The following MEGF6 variants were observed in gnomAD, a reference collection of about 807,000 sequenced individuals.
MEGF6 encodes multiple EGF like domains 6.
A neutral mutation model predicts 207.1 loss-of-function variants in MEGF6; 184 were observed. The ratio of observed to expected loss-of-function variants is 0.89; its 90% confidence interval spans 0.79 to 1.00. The LOEUF is 1.00. Among genes scored for constraint, MEGF6 ranks in the 50% least tolerant of loss-of-function variants. The probability of loss-of-function intolerance (pLI) is 0.00; values close to 1 mark genes in which losing one functional copy is unlikely to be tolerated. For missense variants in MEGF6, 2,282 were observed against 2,202.9 expected, an observed-to-expected ratio of 1.04 and a Z score of -0.72; for synonymous variants, 1,038 against 910.0, an observed-to-expected ratio of 1.14 and a Z score of -2.53.
chr1:3,523,163 C>T (rs1180216547), intron 5 of MEGF6, among the ~76,000 whole-genome samples: 3 of 152,084 alleles, frequency 2.0e-5, no homozygotes, highest in Non-Finnish European at 2.9e-5. Context: ...TTGGGCCCTG[C>T]TCCGGGCCTC....
chr1:3,599,981 AG>A (rs1644133139), intron 2 of MEGF6, among the ~76,000 whole-genome samples: 1 of 152,142 alleles, frequency 6.6e-6, no homozygotes, highest in African/African-American at 2.4e-5. Flanking sequence ...CCAGGCTGGT[AG>A]GGGTGGAACC....
chr1:3,609,079 C>G (rs957639934), intron 1 of MEGF6, among the ~76,000 whole-genome samples: 1 of 152,170 alleles, frequency 6.6e-6, no homozygotes, highest in African/African-American at 2.4e-5. Context: ...CTGCCCCGTG[C>G]CAAGCCCTGC....
chr1:3,601,222 G>A (rs1430604962), intron 2 of MEGF6, among the ~76,000 whole-genome samples: 1 of 152,222 alleles, frequency 6.6e-6, no homozygotes, highest in Non-Finnish European at 1.5e-5. Flanking sequence ...CTCCAGCCCT[G>A]GGCTCAGATG....
At position 3,498,366 on chromosome 1, in the gene MEGF6, C is replaced by T. The variant is rs1050204481; in HGVS notation, c.3352+5G>A. Reference sequence around the variant, plus strand: ...CAGACCCCCCTGCTGCCCCGCCCCACTCACGGCTCTGACACTTGTCCCCAG... The same window carrying T: ...CAGACCCCCCTGCTGCCCCGCCCCATTCACGGCTCTGACACTTGTCCCCAG... On this transcript the variant is annotated splice_donor_5th_base_variant and intron_variant, in intron 26 of 36. Coordinates refer to ENST00000356575, the MANE Select transcript of MEGF6 (RefSeq NM_001409.4). The T allele has an allele frequency of 3.1e-6, 5 of 1,600,284 alleles. No individual in the cohort carries two copies. In the African/African-American group the frequency reaches 6.7e-5, roughly 21 times the overall value.
intron 4 of MEGF6, among the ~76,000 whole-genome samples, chr1:3,553,252 G>A (rs1455583294): frequency 6.6e-6 from 1 of 151,720 alleles, no homozygotes; most frequent in Non-Finnish European, 1.5e-5. Flanking sequence ...CCCACCAGGG[G>A]CCCAGCCTGC....
At position 3,488,497 on chromosome 1, in the gene MEGF6, C is replaced by T. The variant is rs1430630586; in HGVS notation, c.*2031G>A. Among the ~76,000 whole-genome samples the T allele has an allele frequency of 2.0e-5, 3 of 152,226 alleles. No individual in the cohort carries two copies. Among genetic ancestry groups the T allele is most frequent in the Non-Finnish European group, 4.4e-5 (3 of 68,052 alleles). On this transcript the variant is annotated 3_prime_UTR_variant, in exon 37 of 37. Transcript: ENST00000356575. ...GTGACTGAATATCTCAGAGCACCCT[C>T]CTGGCTTCTTTCTCTTCTGGCTGGA...
intron 34 of MEGF6, 21 bp downstream of exon 34, chr1:3,493,750 T>C: frequency 6.2e-7 from 1 of 1,607,278 alleles, no homozygotes; most frequent in South Asian, 1.1e-5. Flanking sequence ...ACGCCCTTCC[T>C]GGGCAGGACC....
chr1:3,494,715 C>A lies in MEGF6; in HGVS notation c.3898G>T (p.Gly1300Cys). The A allele has an allele frequency of 1.3e-6, 2 of 1,588,032 alleles. No individual in the cohort carries two copies. The highest frequency in any genetic ancestry group is 1.7e-6 in the Non-Finnish European group (2 of 1,168,288). ...CTGCAGGAGCAGGTGTGCTCGCAGC[C>A]CACGCCAAACCGGTTCTGGGGGCAG... ...RGCPQNRFGV[G>C]CEHTCSCRNG... The change falls in exon 31 of 37, where the codon GGC (glycine) becomes TGC (cysteine). Residue 1300 changes from glycine (G) to cysteine (C), a missense_variant. Gly to Cys is a radical substitution (Grantham distance 159). Transcript: ENST00000356575.
chr1:3,614,878 G>C (rs1226797905), upstream of MEGF6, among the ~76,000 whole-genome samples: 1 of 152,204 alleles, frequency 6.6e-6, no homozygotes, highest in Non-Finnish European at 1.5e-5. Flanking sequence ...TCTTCATCCT[G>C]AACTCATCAC....
chr1:3,611,554 C>G, upstream of MEGF6: 1 of 305,312 alleles, frequency 3.3e-6, no homozygotes, highest in South Asian at 8.9e-5. Flanking sequence ...CCGGCCCGCC[C>G]CCAGCCCGGA....
intron 24 of MEGF6, 57 bp from the exon 25 acceptor site, chr1:3,498,883 T>C: frequency 6.5e-7 from 1 of 1,533,544 alleles, no homozygotes; most frequent in Non-Finnish European, 8.8e-7. Flanking sequence ...CCCCACAGGG[T>C]CTGTCTGGCT....
intron 4 of MEGF6, among the ~76,000 whole-genome samples, chr1:3,567,019 A>G (rs1643360569): frequency 6.6e-6 from 1 of 152,208 alleles, no homozygotes; most frequent in Admixed American, 6.5e-5. Context: ...GGCCAGGTGT[A>G]GCACCCAAAC....
chr1:3,619,775 CA>C, the MEGF6 span, among the ~76,000 whole-genome samples: 1 of 152,128 alleles, frequency 6.6e-6, no homozygotes, highest in African/African-American at 2.4e-5. Flanking sequence ...TGGACTAATA[CA>C]GAAAATTGGT....
chr1:3,500,508 C>A, intron 21 of MEGF6, 125 bp downstream of exon 21: 1 of 1,379,556 alleles, frequency 7.2e-7, no homozygotes, highest in South Asian at 1.5e-5. Context: ...GGGGCGCGGC[C>A]AAAGGCTTCG....
intron 5 of MEGF6, among the ~76,000 whole-genome samples, chr1:3,521,928 C>A (rs1024316776): frequency 6.6e-6 from 1 of 152,176 alleles, no homozygotes; most frequent in Non-Finnish European, 1.5e-5. Context: ...TGTTCCCAGG[C>A]CAGGGGTCGC....
intron 2 of MEGF6, among the ~76,000 whole-genome samples, chr1:3,600,708 C>T (rs994190791): frequency 2.0e-5 from 3 of 152,208 alleles, no homozygotes; most frequent in East Asian, 1.9e-4. Flanking sequence ...TTTGGGAGCA[C>T]CCTGTGCCCA....
intron 17 of MEGF6, 123 bp from the exon 18 acceptor site, chr1:3,502,044 C>T: frequency 3.1e-6 from 4 of 1,280,656 alleles, no homozygotes; most frequent in South Asian, 1.4e-5. Context: ...GGCGAGTGTG[C>T]CCCCCCGGCG....
Position 3,507,835 on chromosome 1 carries a change from G to A in MEGF6, c.1749C>T (p.Cys583=), listed in dbSNP as rs373656292. 1 of 1,612,788 alleles carries A rather than the reference G, an allele frequency of 6.2e-7. No homozygotes were observed. Residue 583 remains cysteine (C), a synonymous_variant, in exon 14 of 37, where the codon TGC becomes TGT. Coordinates refer to ENST00000356575, the MANE Select transcript of MEGF6 (RefSeq NM_001409.4). ...TTCCACTGACACCCGGGGGGCAGCG[G>A]CAGGCCCCCGTGACAGAGTCGCAGG... ...GGTCDSVTGA[C]RCPPGVSGTN...
chr1:3,601,954 G>A (rs866201483), intron 2 of MEGF6, among the ~76,000 whole-genome samples: 3 of 152,260 alleles, frequency 2.0e-5, no homozygotes, highest in African/African-American at 4.8e-5. Flanking sequence ...CACCTGACAC[G>A]GGGGCTGCCA....
Sources: gnomAD v4.1 joint callset for allele counts (sites outside exome capture counted in the v4.1 genomes callset) on GRCh38, gnomAD v4.1.1 for gene constraint, MANE v1.5 for transcripts, NCBI Gene and HGNC (gene_info 2026-07-23, HGNC 2026-07-21) for gene names.